Variants in CPVL observed in about 807,000 individuals in gnomAD.
CPVL encodes the protein carboxypeptidase vitellogenic like.
In CPVL, 51 loss-of-function variants were observed where a neutral mutation model predicts 63.7. The ratio of observed to expected loss-of-function variants is 0.80; its 90% CI spans 0.64 to 1.01. CPVL has a LOEUF of 1.01. Among genes scored for constraint, CPVL ranks in the 50% least tolerant of loss-of-function variants. The pLI, the probability that CPVL is intolerant of heterozygous loss-of-function variation, is 0.00. For synonymous variants in CPVL, 195 were observed against 206.0 expected (o/e 0.95, Z 0.46); for missense variants, 530 against 573.1 (o/e 0.92, Z 0.77).
intron 3 of CPVL, among the ~76,000 whole-genome samples, chr7:29,105,608 A>C (rs1787647232): frequency 6.6e-6 from 1 of 152,196 alleles, no homozygotes. Context: ...GCATCAGTTA[A>C]GGCCCAATCA....
At chr7:29,091,630 C>A (rs906015927) in intron 6 of CPVL, among the ~76,000 whole-genome samples, 1 of 152,102 alleles carries the variant, frequency 6.6e-6, no homozygotes, top group Non-Finnish European at 1.5e-5. Context: ...CCTGGGCATC[C>A]CCCTAGAAAC....
intron 3 of CPVL, among the ~76,000 whole-genome samples, chr7:29,109,843 A>G (rs979170679): frequency 2.6e-5 from 4 of 152,124 alleles, no homozygotes; most frequent in Non-Finnish European, 4.4e-5. Context: ...CTAGGTTTTC[A>G]TTTAATTAAG....
chr7:29,092,427 T>C (rs62442658), intron 6 of CPVL, among the ~76,000 whole-genome samples, 196 bp downstream of exon 6: 5,254 of 152,246 alleles, frequency 0.035, 134 homozygotes, highest in East Asian at 0.14. Flanking sequence ...AGATGTCTGG[T>C]TGAAAGGTTT....
chr7:29,123,062 G>A (rs1051935853), intron 1 of CPVL, among the ~76,000 whole-genome samples: 1 of 152,090 alleles, frequency 6.6e-6, no homozygotes, highest in Non-Finnish European at 1.5e-5. Flanking sequence ...ATTTCTGGAT[G>A]CAAAAAGAGA....
intron 12 of CPVL, among the ~76,000 whole-genome samples, chr7:29,022,258 C>T (rs773134398): frequency 6.6e-6 from 1 of 152,166 alleles, no homozygotes; most frequent in African/African-American, 2.4e-5. Flanking sequence ...GGTCTGCTTG[C>T]CACCAGGAGA....
upstream of CPVL, chr7:29,146,555 C>G: frequency 1.3e-6 from 2 of 1,530,216 alleles, no homozygotes; most frequent in South Asian, 1.2e-5. Flanking sequence ...CTGCAGAACT[C>G]GAGCCTTTAA....
At chr7:29,011,768 G>C (rs981486949) in intron 12 of CPVL, 1 of 152,174 alleles carries the variant, frequency 6.6e-6, no homozygotes, top group Non-Finnish European at 1.5e-5. Context: ...CATTCAGTAG[G>C]AGAAACCAGA....
intron 12 of CPVL, chr7:29,011,470 G>T (rs2158925): frequency 0.2 from 30,550 of 152,168 alleles, 3,315 homozygotes; most frequent in East Asian, 0.28. Context: ...AGATACCTGG[G>T]ATGCTGAGGT....
upstream of CPVL, among the ~76,000 whole-genome samples, chr7:29,150,919 C>A (rs1411875504): frequency 6.6e-6 from 1 of 152,136 alleles, no homozygotes; most frequent in Non-Finnish European, 1.5e-5. Flanking sequence ...TGTGTCACAC[C>A]CACACACTTG....
intron 5 of CPVL, among the ~76,000 whole-genome samples, chr7:29,180,954 A>G (rs987664022): frequency 5.3e-5 from 8 of 152,254 alleles, no homozygotes; most frequent in Non-Finnish European, 7.3e-5. Flanking sequence ...ACTGGTACCC[A>G]GTACTTACTA....
Position 29,161,871 on chromosome 7 carries a change from C to T in CPVL, c.-11+19419G>A, listed in dbSNP as rs148082200. The stretch of plus-strand genomic sequence containing the variant: ...TTTTTAAATGGGCCAAAGAGTTGAA[C>T]AGACATTTCACTAAAGAAGATAGAC... On this transcript the variant is annotated intron_variant, in intron 5 of 16. Coordinates refer to the CPVL transcript ENST00000409850. 3.9e-5 allele frequency among the ~76,000 whole-genome samples: 6 copies of T among 152,180 alleles called. No homozygotes were observed. In the East Asian group the frequency reaches 5.8e-4, roughly 15 times the overall value.
In CPVL at chr7:29,144,115, G is replaced by A. The variant is rs567529515; in HGVS notation, c.-11+2314C>T. 1.5e-3 allele frequency among the ~76,000 whole-genome samples: 228 copies of A among 152,300 alleles called. 1 individual carries two copies. Among genetic ancestry groups the A allele is most frequent in the African/African-American group, 5.0e-3 (208 of 41,572 alleles). On this transcript the variant is annotated intron_variant, in intron 1 of 12. Transcript: ENST00000265394. ...TCAATATAGACGTTAATGAGTCATT[G>A]TTCTAGAGGTATCTTTCTAATTCTG...
intron 9 of CPVL, among the ~76,000 whole-genome samples, chr7:29,067,092 T>A (rs2128568620): frequency 6.6e-6 from 1 of 152,122 alleles, no homozygotes; most frequent in South Asian, 2.1e-4. Flanking sequence ...CAGAAGAGAT[T>A]CGGACAGGAG....
intron 12 of CPVL, among the ~76,000 whole-genome samples, chr7:29,022,605 A>G (rs113048558): frequency 1.4e-3 from 217 of 152,228 alleles, no homozygotes; most frequent in African/African-American, 4.5e-3. Context: ...GCATGCATAC[A>G]TGCCTTCTAT....
At chr7:29,057,408 G>C (rs1790850528) in intron 11 of CPVL, among the ~76,000 whole-genome samples, 1 of 152,154 alleles carries the variant, frequency 6.6e-6, no homozygotes, top group African/African-American at 2.4e-5. Context: ...TCCATTATCG[G>C]ATGTGTCTTT....
chr7:29,122,994 T>C (rs757830427), intron 1 of CPVL, among the ~76,000 whole-genome samples: 2 of 152,190 alleles, frequency 1.3e-5, no homozygotes, highest in Non-Finnish European at 2.9e-5. Context: ...TGATCTATGT[T>C]CTTAGCTGTA....
intron 5 of CPVL, among the ~76,000 whole-genome samples, chr7:29,160,433 G>A (rs558332136): frequency 1.3e-5 from 2 of 152,220 alleles, no homozygotes; most frequent in Admixed American, 1.3e-4. Flanking sequence ...GGGCAATAAT[G>A]TACCCAGGAG....
intron 11 of CPVL, among the ~76,000 whole-genome samples, chr7:29,040,732 A>C (rs1237860652): frequency 6.6e-6 from 1 of 152,156 alleles, no homozygotes; most frequent in Non-Finnish European, 1.5e-5. Context: ...ATAAAGAAGA[A>C]TGGAAGTGGA....
At chr7:29,102,488 T>C (rs1432570186) in intron 3 of CPVL, among the ~76,000 whole-genome samples, 1 of 152,134 alleles carries the variant, frequency 6.6e-6, no homozygotes, top group East Asian at 1.9e-4. Flanking sequence ...ATACTACATA[T>C]TTAAGAAGAA....
Sources: gnomAD v4.1 joint callset for allele counts (sites outside exome capture counted in the v4.1 genomes callset) on GRCh38, gnomAD v4.1.1 for gene constraint, MANE v1.5 for transcripts, NCBI Gene and HGNC (gene_info 2026-07-23, HGNC 2026-07-21) for gene names.